The following MYH7 variants were observed in gnomAD, a reference collection of about 807,000 sequenced individuals.
MYH7 encodes myosin heavy chain 7, also known as myosin-7.
A neutral mutation model predicts 225.4 loss-of-function variants in MYH7; 129 were observed. The ratio of observed to expected loss-of-function variants is 0.57; its 90% CI spans 0.50 to 0.66. MYH7 has a LOEUF of 0.66. Ranked by LOEUF, MYH7 falls within the 30% of genes least tolerant of loss-of-function variation. MYH7 has a pLI of 0.00. For synonymous variants in MYH7, 971 were observed against 1,007.6 expected (o/e 0.96, Z 0.69); for missense variants, 1,649 against 2,517.0 (o/e 0.66, Z 7.38).
At chr14:23,422,080 G>T in intron 25 of MYH7, 100 bp downstream of exon 25, 1 of 1,566,594 alleles carries the variant, frequency 6.4e-7, no homozygotes, top group Non-Finnish European at 8.7e-7. Context: ...CACTTGTGGA[G>T]GCTGCGTGAG....
rs150607954 is a variant in MYH7, at chr14:23,423,601, G to A, written c.3045C>T (p.Asp1015=). 1.3e-5 allele frequency: 21 copies of A among 1,613,898 alleles called. No homozygotes were observed. In the Admixed American group the frequency reaches 2.7e-4, roughly 20 times the overall value. Residue 1015 remains aspartate, a synonymous_variant, in exon 24 of 40, where the codon GAC becomes GAT. Coordinates refer to ENST00000355349, the MANE Select transcript of MYH7 (RefSeq NM_000257.4). ...TGGCCTTAGTCAGGGTGTTGACCTTGTCCTCCTCGGCCTGAAGGTCATCCA... is the reference window on the plus strand; with the variant it reads ...TGGCCTTAGTCAGGGTGTTGACCTTATCCTCCTCGGCCTGAAGGTCATCCA... ...QALDDLQAEE[D]KVNTLTKAKV...
Position 23,424,661 on chromosome 14 carries a change from C to T in MYH7, c.2679+108G>A, listed in dbSNP as rs1032750974. 32 of 1,579,200 alleles carry T rather than the reference C, an allele frequency of 2.0e-5. No individual in the cohort carries two copies. The African/African-American group carries it at 4.2e-4, about 21-fold the overall frequency. On this transcript the variant is annotated intron_variant, in intron 22 of 39. Coordinates refer to ENST00000355349, the MANE Select transcript of MYH7 (RefSeq NM_000257.4). ...CTTTAGAAGTGTTGATCCCAGAGTC[C>T]TCTGACTGAAGGAACAAGACAGTGA...
chr14:23,422,398 C>T (rs1257612683), intron 24 of MYH7, 73 bp from the exon 25 acceptor site: 1 of 1,604,926 alleles, frequency 6.2e-7, no homozygotes, highest in African/African-American at 1.3e-5. Context: ...TCAGTTACCT[C>T]AGGACTTGGT....
chr14:23,417,118 C>T lies in MYH7; in HGVS notation c.4519+35G>A, dbSNP rs781422676. ...GCACCATATGGGAACACTGCCAGTGCAGCCCCTCCCCAGCCTCTTGGGCCC... is the reference window on the plus strand; with the variant it reads ...GCACCATATGGGAACACTGCCAGTGTAGCCCCTCCCCAGCCTCTTGGGCCC... On this transcript the variant is annotated intron_variant, in intron 32 of 39. Transcript: ENST00000355349. 8.1e-6 allele frequency: 13 copies of T among 1,614,070 alleles called. No individual in the cohort carries two copies. The East Asian group carries it at 2.7e-4, about 33-fold the overall frequency.
At chr14:23,431,555 G>A (rs775835990) in intron 8 of MYH7, 30 bp downstream of exon 8, 7 of 1,614,034 alleles carry the variant, frequency 4.3e-6, no homozygotes, top group Admixed American at 1.7e-5. Flanking sequence ...ACCAGTCCAA[G>A]TCCCAAGGCC....
intron 37 of MYH7, among the ~76,000 whole-genome samples, 173 bp from the exon 38 acceptor site, chr14:23,414,275 T>A (rs1892094509): frequency 6.6e-6 from 1 of 152,222 alleles, no homozygotes; most frequent in South Asian, 2.1e-4. Context: ...ATATTTTAAA[T>A]GATCTGTACC....
In MYH7 at chr14:23,413,780, C is replaced by T. The variant is rs1194644513; in HGVS notation, c.5769G>A (p.Lys1923=). Reference sequence around the variant, plus strand: ...CCACCTTCGTGCCAATGTCACGGCTCTTGGCCCGCAGCTTGTTGACCTGGG... The same window carrying T: ...CCACCTTCGTGCCAATGTCACGGCTTTTGGCCCGCAGCTTGTTGACCTGGG... ...AESQVNKLRA[K]SRDIGTKGLN... is the part of the protein sequence containing the mutation. Residue 1923 remains lysine (K), a synonymous_variant, in exon 39 of 40, where the codon AAG becomes AAA. Transcript: ENST00000355349. 1.2e-6 allele frequency: 2 copies of T among 1,614,208 alleles called. No homozygotes were observed. Among genetic ancestry groups the T allele is most frequent in the South Asian group, 2.2e-5 (2 of 91,076 alleles).
Position 23,427,879 on chromosome 14 carries a change from A to G in MYH7, c.1594T>C (p.Ser532Pro), listed in dbSNP as rs121913642. The G allele has an allele frequency of 6.2e-7, 1 of 1,614,118 alleles. No homozygotes were observed. The highest frequency in any genetic ancestry group is 1.7e-5 in the Admixed American group (1 of 60,016). The change falls in exon 16 of 40, where the codon TCC (serine) becomes CCC (proline). Residue 532 changes from serine to proline, a missense_variant. Ser to Pro is a moderately conservative substitution (Grantham distance 74). Coordinates refer to ENST00000355349, the MANE Select transcript of MYH7 (RefSeq NM_000257.4). ...AACATGCACTCCTCTTCCAGGATGGACATGATGCCCATGGGCTGAGGAAGC... is the reference window on the plus strand; with the variant it reads ...AACATGCACTCCTCTTCCAGGATGGGCATGATGCCCATGGGCTGAGGAAGC... ...DLIEKPMGIM[S>P]ILEEECMFPK...
chr14:23,433,539 T>C lies in MYH7; in HGVS notation c.194A>G (p.Tyr65Cys). The C allele has an allele frequency of 6.2e-7, 1 of 1,614,054 alleles. No individual in the cohort carries two copies. The highest frequency in any genetic ancestry group is 2.2e-5 in the East Asian group (1 of 44,880). The change falls in exon 3 of 40, where the codon TAT becomes TGT. Residue 65 changes from tyrosine to cysteine, a missense_variant. Physicochemically the swap from Tyr to Cys is radical, Grantham distance 194 (BLOSUM62 -2). This residue lies in a region of MYH7 where 91 missense variants were observed against 96.5 expected (regional missense o/e 0.94). Transcript: ENST00000355349. The surrounding 1 kb of genome is among the most constrained non-coding windows in gnomAD (Gnocchi z 4.1). Reference sequence around the variant, plus strand: ...CATCAGCCTGACACCCACCTTGCCATACTCGGTCTCGGCAGTGACTTTGCC... The same window carrying C: ...CATCAGCCTGACACCCACCTTGCCACACTCGGTCTCGGCAGTGACTTTGCC... Reference protein sequence around the residue: ...EGGKVTAETEYGKTVTVKEDQ... With the variant: ...EGGKVTAETECGKTVTVKEDQ...
Position 23,434,259 on chromosome 14 carries a change from G to A in MYH7, c.-64-10C>T. 5.0e-6 allele frequency: 5 copies of A among 1,003,682 alleles called. No individual in the cohort carries two copies. The highest frequency in any genetic ancestry group is 6.0e-6 in the Non-Finnish European group (5 of 839,536). The allele number at this position is 1,003,682 out of a possible 1,614,324, so 62.2% of individuals were successfully genotyped here. On this transcript the variant is annotated splice_polypyrimidine_tract_variant and intron_variant, in intron 1 of 39. Coordinates refer to ENST00000355349, the MANE Select transcript of MYH7 (RefSeq NM_000257.4). ...AAGGCCTGCAGGGGACCTGGAGAGA[G>A]GGAAGAGGCTGTGTCAGGGCAGGCT...
chr14:23,423,507 A>G, intron 24 of MYH7, 40 bp downstream of exon 24: 1 of 1,609,098 alleles, frequency 6.2e-7, no homozygotes, highest in Non-Finnish European at 8.5e-7. Flanking sequence ...GCACAGATAG[A>G]CATGGCATAT....
chr14:23,417,819 C>A, intron 30 of MYH7, 133 bp from the exon 31 acceptor site: 1 of 1,270,820 alleles, frequency 7.9e-7, no homozygotes, highest in Non-Finnish European at 1.1e-6. Flanking sequence ...GAGGACAGGT[C>A]CCAGGGGCCG....
Position 23,433,029 on chromosome 14 carries a change from G to A in MYH7, c.345+55C>T. On this transcript the variant is annotated intron_variant, in intron 4 of 39. Transcript: ENST00000355349. The surrounding 1 kb of genome is among the most constrained non-coding windows in gnomAD (Gnocchi z 4.1). ...GAAGACACTCTTGGCTCCTGGGGTG[G>A]ACATGGATGGAGCAAGAACAGAGAT... 1 of 1,612,476 alleles carries A rather than the reference G, an allele frequency of 6.2e-7. No individual in the cohort carries two copies. Among genetic ancestry groups the A allele is most frequent in the Non-Finnish European group, 8.5e-7 (1 of 1,178,750 alleles).
chr14:23,417,350 C>A lies in MYH7; in HGVS notation c.4354-32G>T, dbSNP rs766354665. 1.4e-5 allele frequency: 22 copies of A among 1,612,582 alleles called. No homozygotes were observed. The East Asian group carries it at 4.9e-4, about 36-fold the overall frequency. On this transcript the variant is annotated intron_variant, in intron 31 of 39. Transcript: ENST00000355349. ...GGGGACAAGGCTCACTCTTCAGCCC[C>A]CCAGCCTCAGCCCCATGTCCAGGGT...
At chr14:23,431,112 G>A (rs1892917587) in intron 9 of MYH7, 113 bp from the exon 10 acceptor site, 1 of 791,374 alleles carries the variant, frequency 1.3e-6, no homozygotes, top group Non-Finnish European at 2.2e-6. Context: ...GAGCCAGAGA[G>A]ACTAGTTGGA....
intron 30 of MYH7, 51 bp from the exon 31 acceptor site, chr14:23,417,737 G>A (rs776556400): frequency 6.2e-7 from 1 of 1,600,146 alleles, no homozygotes; most frequent in South Asian, 1.1e-5. Context: ...GTGTGGATGG[G>A]GACAAGAGGA....
rs995780485 is a variant in MYH7, at chr14:23,422,173, A to G, written c.3245+7T>C. 1.2e-6 allele frequency: 2 copies of G among 1,612,482 alleles called. No individual in the cohort carries two copies. Among genetic ancestry groups the G allele is most frequent in the East Asian group, 2.2e-5 (1 of 44,886 alleles). ...GGAGGAAGGGCAGCAGGGAGGGGACACAGTACTTTTTCAGCCGCTCATCCA... is the reference window on the plus strand; with the variant it reads ...GGAGGAAGGGCAGCAGGGAGGGGACGCAGTACTTTTTCAGCCGCTCATCCA... On this transcript the variant is annotated splice_region_variant and intron_variant, in intron 25 of 39. Coordinates refer to ENST00000355349, the MANE Select transcript of MYH7 (RefSeq NM_000257.4).
At chr14:23,432,305 A>G (rs1418078649) in intron 6 of MYH7, among the ~76,000 whole-genome samples, 174 bp downstream of exon 6, 2 of 152,140 alleles carry the variant, frequency 1.3e-5, no homozygotes, top group African/African-American at 4.8e-5. Flanking sequence ...GAAAGCAGAA[A>G]GGAAGAGGGA....
chr14:23,417,367 G>A (rs1211856413), intron 31 of MYH7, 49 bp from the exon 32 acceptor site: 2 of 1,612,192 alleles, frequency 1.2e-6, no homozygotes, highest in Non-Finnish European at 1.7e-6. Context: ...TCAGCCCCAT[G>A]TCCAGGGTCT....
Sources: allele counts gnomAD v4.1 joint callset (sites outside exome capture counted in the v4.1 genomes callset), GRCh38; gene constraint gnomAD v4.1.1; regional missense constraint gnomAD v4.1.1; non-coding constraint Gnocchi (gnomAD v3.1); transcripts MANE v1.5; gene names NCBI Gene and HGNC (gene_info 2026-07-23, HGNC 2026-07-21).